Variants in DCST2 observed in about 807,000 individuals in gnomAD.
DCST2 encodes the protein DC-STAMP domain-containing protein 2.
In DCST2, 64 loss-of-function variants were observed where a neutral mutation model predicts 81.8. That is an observed-to-expected ratio of 0.78 (90% CI 0.64 to 0.96). DCST2 has a LOEUF of 0.96. Ranked by LOEUF, DCST2 falls within the 40% of genes least tolerant of loss-of-function variation. DCST2 has a pLI of 0.00. For missense variants in DCST2, 945 were observed against 1,001.4 expected, an observed-to-expected ratio of 0.94 and a Z score of 0.76; for synonymous variants, 354 against 402.6, an observed-to-expected ratio of 0.88 and a Z score of 1.44.
intron 8 of DCST2, among the ~76,000 whole-genome samples, chr1:155,028,855 C>T (rs193092100): frequency 5.7e-4 from 69 of 121,602 alleles, no homozygotes; most frequent in African/African-American, 2.1e-3. Flanking sequence ...GGTGACAGAA[C>T]GAGACTCTGT....
Position 155,033,656 on chromosome 1 carries a change from C to T in DCST2, c.46G>A (p.Glu16Lys), listed in dbSNP as rs1660175405. The T allele has an allele frequency of 1.9e-6, 3 of 1,614,148 alleles. No homozygotes were observed. The highest frequency in any genetic ancestry group is 1.1e-5 in the South Asian group (1 of 91,080). ...KDVVHPLGGE[E>K]PSMARAVVRS... Reference sequence around the variant, plus strand: ...ACCACAGCTCTCGCCATGCTAGGCTCCTCTCCCCCCAAGGGGTGCACAACA... The same window carrying T: ...ACCACAGCTCTCGCCATGCTAGGCTTCTCTCCCCCCAAGGGGTGCACAACA... Residue 16 changes from glutamate (E) to lysine (K), a missense_variant, in exon 1 of 15, where the codon GAG (glutamate) becomes AAG (lysine). Transcript: ENST00000368424.
At position 155,033,181 on chromosome 1, in the gene DCST2, G is replaced by A. The variant is rs1227870483; in HGVS notation, c.352C>T (p.Arg118Trp). The A allele has an allele frequency of 2.5e-6, 4 of 1,613,376 alleles. No homozygotes were observed. The highest frequency in any genetic ancestry group is 2.5e-6 in the Non-Finnish European group (3 of 1,179,712). Residue 118 changes from arginine to tryptophan, a missense_variant, in exon 2 of 15, where the codon CGG (arginine) becomes TGG (tryptophan). Physicochemically the swap from Arg to Trp is moderately radical, Grantham distance 101. Coordinates refer to ENST00000368424, the MANE Select transcript of DCST2 (RefSeq NM_144622.3). ...PCANTLRNFT[R>W]ASEAVACGAE... is the part of the protein sequence containing the mutation. ...CCACAGGCTACAGCCTCGCTGGCCC[G>A]GGTGAAGTTGCGTAGAGTGTTGGCA...
rs781085737 is a variant in DCST2, at chr1:155,032,697, G to A, written c.511C>T (p.Arg171Trp). 21 of 1,613,904 alleles carry A rather than the reference G, an allele frequency of 1.3e-5. No homozygotes were observed. The Admixed American group carries it at 1.8e-4, about 14-fold the overall frequency. Residue 171 changes from arginine to tryptophan, a missense_variant, in exon 3 of 15, where the codon CGG becomes TGG. Arg to Trp is a moderately radical substitution (Grantham distance 101). Coordinates refer to ENST00000368424, the MANE Select transcript of DCST2 (RefSeq NM_144622.3). The part of the protein sequence containing the change: ...EVADRVRKFF[R>W]SIMDGVKHIA... ...TGTTTCACACCATCCATGATTGACC[G>A]AAAGAACTTGCGGACCCGGTCAGCC... is the stretch of plus-strand genomic sequence containing the variant.
intron 7 of DCST2, among the ~76,000 whole-genome samples, chr1:155,029,831 C>T (rs1412039738): frequency 1.3e-5 from 2 of 152,230 alleles, no homozygotes; most frequent in Non-Finnish European, 2.9e-5. Context: ...CACCATCTGC[C>T]CCTCTTGTCT....
intron 11 of DCST2, among the ~76,000 whole-genome samples, 190 bp from the exon 12 acceptor site, chr1:155,024,149 A>G (rs773980550): frequency 3.3e-5 from 5 of 152,090 alleles, no homozygotes; most frequent in Non-Finnish European, 5.9e-5. Flanking sequence ...ACCCCTAAGA[A>G]TTCCCACCTT....
intron 14 of DCST2, among the ~76,000 whole-genome samples, chr1:155,022,560 C>T (rs997406133): frequency 1.3e-5 from 2 of 151,940 alleles, no homozygotes; most frequent in South Asian, 2.1e-4. Context: ...GTGAGACCCC[C>T]GTCTCTACAA....
intron 14 of DCST2, among the ~76,000 whole-genome samples, chr1:155,019,899 G>A (rs1571539657): frequency 1.3e-5 from 2 of 152,210 alleles, no homozygotes; most frequent in East Asian, 1.9e-4. Flanking sequence ...GCCACGGCAG[G>A]TCTTTCAACC....
At chr1:155,030,387 G>A (rs1352708675) in intron 6 of DCST2, 45 bp downstream of exon 6, 2 of 1,603,696 alleles carry the variant, frequency 1.2e-6, no homozygotes, top group Admixed American at 1.7e-5. Flanking sequence ...CCCTGGCCCT[G>A]CACCCCCGGC....
intron 8 of DCST2, among the ~76,000 whole-genome samples, chr1:155,028,868 C>CAAAA (rs71767777): frequency 1.8e-4 from 18 of 101,404 alleles, no homozygotes; most frequent in East Asian, 1.1e-3. Flanking sequence ...GACTCTGTCT[C>CAAAA]AAAAAAAAAA....
intron 14 of DCST2, among the ~76,000 whole-genome samples, chr1:155,019,893 C>T (rs916087373): frequency 2.6e-5 from 4 of 152,222 alleles, no homozygotes; most frequent in South Asian, 2.1e-4. Context: ...ACACTTGCCA[C>T]GGCAGGTCTT....
rs775426912 is a variant in DCST2, at chr1:155,033,127, C to T, written c.406G>A (p.Glu136Lys). The T allele has an allele frequency of 6.9e-6, 11 of 1,597,664 alleles. No individual in the cohort carries two copies. Among genetic ancestry groups the T allele is most frequent in the Admixed American group, 3.5e-5 (2 of 56,850 alleles). ...GGTTGCTTGGCCCTCTGTAGCACTT[C>T]GGCGGTCTGGTTCAGGGCCAGCTCT... ...GAELALNQTA[E>K]VLQRAKQPLV... The change falls in exon 2 of 15, where the codon GAA becomes AAA. Residue 136 changes from glutamate (E) to lysine (K), a missense_variant. By Grantham distance (56) the Glu-to-Lys change is moderately conservative. Coordinates refer to ENST00000368424, the MANE Select transcript of DCST2 (RefSeq NM_144622.3).
chr1:155,031,429 A>AC, intron 4 of DCST2, 145 bp downstream of exon 4: 1 of 322,744 alleles, frequency 3.1e-6, no homozygotes, highest in Non-Finnish European at 5.1e-6. Context: ...CCCCACCCCC[A>AC]ATACTGGTCC....
At chr1:155,026,520 C>G (rs763305094) in intron 9 of DCST2, 28 bp downstream of exon 9, 1 of 1,613,564 alleles carries the variant, frequency 6.2e-7, no homozygotes, top group Admixed American at 1.7e-5. Flanking sequence ...TGTCCACGCC[C>G]CCAGGGACCT....
At chr1:155,025,321 G>GTTTGT (rs752097948) in intron 10 of DCST2, among the ~76,000 whole-genome samples, 18 of 151,846 alleles carry the variant, frequency 1.2e-4, no homozygotes, top group East Asian at 1.9e-4. Context: ...AGGGTTTTTT[G>GTTTGT]TTTGTTTTGT....
In DCST2 at chr1:155,033,083, G is replaced by T. The variant is rs769170996; in HGVS notation, c.439+11C>A. 8 of 1,554,020 alleles carry T rather than the reference G, an allele frequency of 5.1e-6. No individual in the cohort carries two copies. The East Asian group carries it at 6.9e-5, about 13-fold the overall frequency. On this transcript the variant is annotated intron_variant, in intron 2 of 14. Coordinates refer to ENST00000368424, the MANE Select transcript of DCST2 (RefSeq NM_144622.3). ...GCCCGTGGGAGACAGTGGTAGAGGT[G>T]GGGGACTTACTGACAAGAGGTTGCT... is the stretch of plus-strand genomic sequence containing the variant.
chr1:155,022,158 T>C (rs1386174795), intron 14 of DCST2, among the ~76,000 whole-genome samples: 1 of 152,198 alleles, frequency 6.6e-6, no homozygotes, highest in African/African-American at 2.4e-5. Context: ...TGAGCCACCG[T>C]GCCCGGCCCG....
intron 10 of DCST2, among the ~76,000 whole-genome samples, chr1:155,025,411 C>T (rs1659873337): frequency 6.6e-6 from 1 of 151,990 alleles, no homozygotes; most frequent in South Asian, 2.1e-4. Flanking sequence ...TCACTGCAAC[C>T]TCCACCTTCC....
Position 155,018,724 on chromosome 1 carries a change from C to T in DCST2, c.2142G>A (p.Lys714=). ...CTTCAGGTAAGGGCTGCTGCCCGTG[C>T]TTCCTCTGCTGAGGCCCCTTCTCCT... ...LDEEKGPQQR[K]HGQQPLPEAH... is the part of the protein sequence containing the mutation. The change falls in exon 15 of 15, where the codon AAG becomes AAA. Residue 714 remains lysine, a synonymous_variant. Transcript: ENST00000368424. The T allele has an allele frequency of 1.2e-6, 2 of 1,613,714 alleles. No homozygotes were observed. Among genetic ancestry groups the T allele is most frequent in the Non-Finnish European group, 1.7e-6 (2 of 1,179,956 alleles).
Position 155,024,620 on chromosome 1 carries a change from G to A in DCST2, c.1612-18C>T, listed in dbSNP as rs1659850030. On this transcript the variant is annotated intron_variant, in intron 10 of 14. Transcript: ENST00000368424. ...ATCCTCTCCTGGTGCGGGGAGATCAGGGATGGGGTCCCACTTGACCCTGTT... is the reference window on the plus strand; with the variant it reads ...ATCCTCTCCTGGTGCGGGGAGATCAAGGATGGGGTCCCACTTGACCCTGTT... The A allele has an allele frequency of 6.3e-7, 1 of 1,583,024 alleles. No individual in the cohort carries two copies. The highest frequency in any genetic ancestry group is 8.6e-7 in the Non-Finnish European group (1 of 1,164,796).
Sources: gnomAD v4.1 joint callset for allele counts (sites outside exome capture counted in the v4.1 genomes callset) on GRCh38, gnomAD v4.1.1 for gene constraint, MANE v1.5 for transcripts, NCBI Gene and HGNC (gene_info 2026-07-23, HGNC 2026-07-21) for gene names.